The following IGSF5 variants were observed in gnomAD, a reference collection of about 807,000 sequenced individuals.
IGSF5 encodes the protein immunoglobulin superfamily 5 like.
Under a neutral mutation model 39.4 loss-of-function variants are expected in IGSF5, and 41 were observed. The observed-to-expected ratio is 1.04, with a 90% confidence interval of 0.81 to 1.35. The LOEUF is 1.35. Ranked by LOEUF, IGSF5 falls within the 40% of genes most tolerant of loss-of-function variation. The pLI, the probability that IGSF5 is intolerant of heterozygous loss-of-function variation, is 0.00. For missense variants in IGSF5, 487 were observed against 494.6 expected (o/e 0.98, Z 0.15); for synonymous variants, 183 against 175.3 (o/e 1.04, Z -0.34).
intron 2 of IGSF5, among the ~76,000 whole-genome samples, chr21:39,761,834 A>G (rs905092991): frequency 1.3e-5 from 2 of 152,130 alleles, no homozygotes; most frequent in Admixed American, 1.3e-4. Flanking sequence ...ACACACGGCT[A>G]TTTTTAATTT....
the IGSF5 span, among the ~76,000 whole-genome samples, chr21:39,720,363 G>C: frequency 5.3e-5 from 8 of 152,194 alleles, no homozygotes; most frequent in African/African-American, 1.9e-4. Context: ...ACCTCCTGCT[G>C]TGAAGAGCAG....
chr21:39,718,342 C>A, the IGSF5 span, among the ~76,000 whole-genome samples: 60 of 152,146 alleles, frequency 3.9e-4, no homozygotes, highest in African/African-American at 1.2e-3. Context: ...CCCTTTCTTT[C>A]TTTCTCTTGA....
the IGSF5 span, among the ~76,000 whole-genome samples, chr21:39,712,441 C>A: frequency 6.6e-6 from 1 of 152,258 alleles, no homozygotes; most frequent in African/African-American, 2.4e-5. Flanking sequence ...AAGCCAAACT[C>A]CCACCAGGAT....
intron 2 of IGSF5, among the ~76,000 whole-genome samples, chr21:39,747,335 T>G (rs1487978250): frequency 6.6e-6 from 1 of 152,168 alleles, no homozygotes; most frequent in Non-Finnish European, 1.5e-5. Flanking sequence ...CATGATTCAG[T>G]TATCTCCCAC....
chr21:39,785,780 G>A (rs971668720), intron 5 of IGSF5, among the ~76,000 whole-genome samples: 11 of 152,162 alleles, frequency 7.2e-5, no homozygotes, highest in African/African-American at 2.6e-4. Flanking sequence ...CACATCCCTT[G>A]TAAGCTGGAT....
chr21:39,775,178 C>A (rs1186320319), intron 4 of IGSF5, among the ~76,000 whole-genome samples: 1 of 152,202 alleles, frequency 6.6e-6, no homozygotes, highest in Non-Finnish European at 1.5e-5. Context: ...TCCCCTCCAG[C>A]CCGATCAAGT....
At chr21:39,778,646 C>T (rs1244726046) in intron 4 of IGSF5, among the ~76,000 whole-genome samples, 1 of 152,174 alleles carries the variant, frequency 6.6e-6, no homozygotes, top group Non-Finnish European at 1.5e-5. Flanking sequence ...CTGGTTTCCT[C>T]TGGGCGCTGG....
chr21:39,720,770 G>A, the IGSF5 span, among the ~76,000 whole-genome samples: 6 of 152,202 alleles, frequency 3.9e-5, no homozygotes, highest in African/African-American at 9.6e-5. Flanking sequence ...CATCAATTGT[G>A]ACATGTTTAC....
At chr21:39,745,577 A>G in intron 1 of IGSF5, 51 bp downstream of exon 1, 1 of 715,062 alleles carries the variant, frequency 1.4e-6, no homozygotes, top group East Asian at 2.7e-5. Context: ...TGGCTGAGCC[A>G]TGATCTCAAT....
chr21:39,716,762 G>A, the IGSF5 span, among the ~76,000 whole-genome samples: 2 of 152,160 alleles, frequency 1.3e-5, no homozygotes, highest in Non-Finnish European at 1.5e-5. Flanking sequence ...TGGGCATTTA[G>A]GTTGATTCTA....
chr21:39,782,493 C>T (rs191542764), intron 5 of IGSF5, among the ~76,000 whole-genome samples: 43 of 152,270 alleles, frequency 2.8e-4, no homozygotes, highest in Non-Finnish European at 4.7e-4. Context: ...AAACACTGTA[C>T]CTATCAAACA....
upstream of IGSF5, among the ~76,000 whole-genome samples, chr21:39,743,426 C>G (rs974175420): frequency 6.6e-6 from 1 of 152,210 alleles, no homozygotes; most frequent in Non-Finnish European, 1.5e-5. Flanking sequence ...TGAGAATTTA[C>G]CTAGGTCTAT....
At chr21:39,712,395 C>T in the IGSF5 span, among the ~76,000 whole-genome samples, 739 of 152,192 alleles carry the variant, frequency 4.9e-3, 5 homozygotes, top group African/African-American at 0.017. Flanking sequence ...TGTAAACCCT[C>T]GGATAGTGAT....
the IGSF5 span, chr21:39,730,350 A>G: frequency 1.3e-5 from 2 of 151,950 alleles, no homozygotes; most frequent in Non-Finnish European, 2.9e-5. Flanking sequence ...CACTATACAG[A>G]CCTTGTTTTA....
chr21:39,778,033 G>T (rs1978597682), intron 4 of IGSF5, among the ~76,000 whole-genome samples: 2 of 152,100 alleles, frequency 1.3e-5, no homozygotes, highest in Admixed American at 1.3e-4. Flanking sequence ...TACCACCCAA[G>T]CACGCAGGGT....
chr21:39,772,919 A>G (rs890296108), intron 4 of IGSF5, among the ~76,000 whole-genome samples: 3 of 152,358 alleles, frequency 2.0e-5, no homozygotes, highest in African/African-American at 7.2e-5. Context: ...TATGTAGCCA[A>G]TAGATATTGT....
At chr21:39,786,349 A>G (rs1449731212) in intron 5 of IGSF5, among the ~76,000 whole-genome samples, 1 of 150,040 alleles carries the variant, frequency 6.7e-6, no homozygotes, top group Non-Finnish European at 1.5e-5. Context: ...CAAAAAACAC[A>G]TGAAAAAATG....
At chr21:39,798,369 G>T (rs1303908128) in intron 8 of IGSF5, among the ~76,000 whole-genome samples, 10 of 152,192 alleles carry the variant, frequency 6.6e-5, no homozygotes, top group Non-Finnish European at 5.9e-5. Flanking sequence ...ACCTGGAGTG[G>T]GTTCTACTGG....
intron 2 of IGSF5, among the ~76,000 whole-genome samples, chr21:39,760,867 G>A (rs967964721): frequency 3.3e-5 from 5 of 152,092 alleles, no homozygotes; most frequent in African/African-American, 1.2e-4. Context: ...ACCTTACCTG[G>A]CTGTCAAGTC....
Sources: allele counts gnomAD v4.1 joint callset (sites outside exome capture counted in the v4.1 genomes callset), GRCh38; gene constraint gnomAD v4.1.1; transcripts MANE v1.5; gene names NCBI Gene and HGNC (gene_info 2026-07-23, HGNC 2026-07-21).